CCDC27: variants seen among roughly 807,000 people sequenced by gnomAD.
CCDC27 encodes the protein coiled-coil domain containing 27, also known as coiled-coil domain-containing protein 27.
Under a neutral mutation model 80.3 loss-of-function variants are expected in CCDC27, and 80 were observed. The observed-to-expected ratio is 1.00, with a 90% confidence interval of 0.83 to 1.20. The LOEUF (loss-of-function observed/expected upper bound fraction) is 1.20, where lower values mean the gene tolerates loss of function less well. Among genes scored for constraint, CCDC27 ranks in the 50% most tolerant of loss-of-function variants. The pLI, the probability that CCDC27 is intolerant of heterozygous loss-of-function variation, is 0.00. For missense variants in CCDC27, 815 were observed against 809.4 expected (o/e 1.01, Z -0.08); for synonymous variants, 342 against 334.3 (o/e 1.02, Z -0.25).
chr1:3,763,559 T>C lies in CCDC27; in HGVS notation c.1321+85T>C. ...TGGGACGCCCAGACGCTGCCTGCTC[T>C]GGTCAGTGAGCTGGAGCAGGGGCAG... On this transcript the variant is annotated intron_variant, in intron 7 of 11. Transcript: ENST00000294600. The surrounding 1 kb of genome is among the most constrained non-coding windows in gnomAD (Gnocchi z 7.5). 1.3e-6 allele frequency: 2 copies of C among 1,547,856 alleles called. No individual in the cohort carries two copies. The highest frequency in any genetic ancestry group is 2.3e-5 in the East Asian group (1 of 44,276).
Position 3,754,188 on chromosome 1 carries a change from C to G in CCDC27, c.389C>G (p.Thr130Arg). The G allele has an allele frequency of 6.2e-7, 1 of 1,613,714 alleles. No individual in the cohort carries two copies. Among genetic ancestry groups the G allele is most frequent in the Non-Finnish European group, 8.5e-7 (1 of 1,179,878 alleles). The change falls in exon 2 of 12, where the codon ACG (threonine) becomes AGG (arginine). Residue 130 changes from threonine (T) to arginine (R), a missense_variant. Coordinates refer to ENST00000294600, the MANE Select transcript of CCDC27 (RefSeq NM_152492.3). The stretch of plus-strand genomic sequence containing the variant: ...ATGGAACTTCGAAGGGTCTTCCCCA[C>G]GCATCCTGACTGCCCCCAGTTCAGC... ...SKMELRRVFP[T>R]HPDCPQFSTR...
chr1:3,755,548 C>T lies in CCDC27; in HGVS notation c.534C>T (p.Gly178=). The T allele has an allele frequency of 1.2e-6, 2 of 1,613,954 alleles. No homozygotes were observed. Among genetic ancestry groups the T allele is most frequent in the Non-Finnish European group, 1.7e-6 (2 of 1,179,970 alleles). The change falls in exon 3 of 12, where the codon GGC becomes GGT. Residue 178 remains glycine, a synonymous_variant. Coordinates refer to ENST00000294600, the MANE Select transcript of CCDC27 (RefSeq NM_152492.3). ...GTQDLFLARR[G]SDTNVDGYLL... is the part of the protein sequence containing the mutation. ...AGGACCTGTTCTTGGCCAGGCGGGG[C>T]TCAGACACGAACGTGGACGGTGAGG...
chr1:3,764,675 C>T (rs1199183229), intron 8 of CCDC27, among the ~76,000 whole-genome samples: 1 of 152,220 alleles, frequency 6.6e-6, no homozygotes, highest in Admixed American at 6.5e-5. Flanking sequence ...CTGCATCCCA[C>T]ACCTTTTGCT....
rs981587409 is a variant in CCDC27 at position 3,769,272 on chromosome 1, G to T, written c.1744-511G>T. The stretch of plus-strand genomic sequence containing the variant: ...ACGAGAACGCCTTCTGGGTCTGTGC[G>T]CGGGGGCCAGGTTCAACGCTGCTGT... On this transcript the variant is annotated intron_variant, in intron 10 of 11. Coordinates refer to ENST00000294600, the MANE Select transcript of CCDC27 (RefSeq NM_152492.3). This position sits in a 1 kb window ranked among gnomAD's most constrained non-coding sequence, Gnocchi z 4.6. 6.6e-6 allele frequency among the ~76,000 whole-genome samples: 1 copy of T among 152,086 alleles called. No individual in the cohort carries two copies. Among genetic ancestry groups the T allele is most frequent in the Non-Finnish European group, 1.5e-5 (1 of 68,012 alleles).
intron 1 of CCDC27, 24 bp downstream of exon 1, chr1:3,752,823 T>C (rs754468874): frequency 2.2e-5 from 36 of 1,602,156 alleles, no homozygotes; most frequent in Non-Finnish European, 2.8e-5. Context: ...GGAGGAGGGC[T>C]GCCACGAGCC....
intron 4 of CCDC27, 121 bp downstream of exon 4, chr1:3,757,011 TC>T: frequency 8.2e-7 from 1 of 1,212,944 alleles, no homozygotes; most frequent in Non-Finnish European, 1.1e-6. Flanking sequence ...ATCAAGCAGG[TC>T]CCCATGGCCT....
intron 4 of CCDC27, among the ~76,000 whole-genome samples, chr1:3,758,856 C>T (rs1643023559): frequency 6.6e-6 from 1 of 152,204 alleles, no homozygotes; most frequent in African/African-American, 2.4e-5. Flanking sequence ...CTCAGCCTCC[C>T]AAAGTGCTGG....
chr1:3,753,995 G>A lies in CCDC27; in HGVS notation c.319-123G>A, dbSNP rs1172155209. 7 of 1,412,924 alleles carry A rather than the reference G, an allele frequency of 5.0e-6. No homozygotes were observed. The South Asian group carries it at 5.3e-5, about 11-fold the overall frequency. 87.5% of individuals were successfully genotyped at this position (1,412,924 alleles called of 1,614,324 possible). On this transcript the variant is annotated intron_variant, in intron 1 of 11. Coordinates refer to ENST00000294600, the MANE Select transcript of CCDC27 (RefSeq NM_152492.3). The stretch of plus-strand genomic sequence containing the variant: ...GGGTGTGGGGTCTGCATCTACATAC[G>A]ACTCATAGGCACCTGCCATTGGGGC...
Position 3,755,441 on chromosome 1 carries a change from C to G in CCDC27, c.443-16C>G, listed in dbSNP as rs201161509. On this transcript the variant is annotated splice_polypyrimidine_tract_variant and intron_variant, in intron 2 of 11. Transcript: ENST00000294600. ...GACCGCAGCAGTCACCAGATGGCAT[C>G]TTTAACACTCTACAGGTTCACCCAC... 4.9e-4 allele frequency: 781 copies of G among 1,610,042 alleles called. No individual in the cohort carries two copies. The highest frequency in any genetic ancestry group is 6.0e-4 in the Non-Finnish European group (703 of 1,176,472).
rs142578610 is a variant in CCDC27 at position 3,767,264 on chromosome 1, A to T, written c.1562A>T (p.Lys521Met). ...TCGGAACTGGAGAGAAAGCTCACCA[A>T]GCGGGACTGTGTCATCTCAGAGTTG... The part of the protein sequence containing the change: ...QVSELERKLT[K>M]RDCVISELDT... The change falls in exon 10 of 12, where the codon AAG becomes ATG. Residue 521 changes from lysine to methionine, a missense_variant. Transcript: ENST00000294600. 3.1e-6 allele frequency: 5 copies of T among 1,614,028 alleles called. No individual in the cohort carries two copies. Among genetic ancestry groups the T allele is most frequent in the African/African-American group, 1.3e-5 (1 of 75,046 alleles).
rs201051331 is a variant in CCDC27, at chr1:3,763,856, C to T, written c.1452+20C>T. The stretch of plus-strand genomic sequence containing the variant: ...GACAAGGTGGCCGTGCGCTCAGTAC[C>T]GGCCTCCGCTCCATGAGCATGGGCC... On this transcript the variant is annotated intron_variant, in intron 8 of 11. Transcript: ENST00000294600. This position sits in a 1 kb window ranked among gnomAD's most constrained non-coding sequence, Gnocchi z 7.5. 633 of 1,611,882 alleles carry T rather than the reference C, an allele frequency of 3.9e-4. 1 individual carries two copies. The highest frequency in any genetic ancestry group is 5.1e-4 in the Middle Eastern group (3 of 5,870).
Position 3,761,992 on chromosome 1 carries a change from G to C in CCDC27, c.861+562G>C, listed in dbSNP as rs1314507104. On this transcript the variant is annotated intron_variant, in intron 5 of 11. Coordinates refer to ENST00000294600, the MANE Select transcript of CCDC27 (RefSeq NM_152492.3). The surrounding 1 kb of genome is among the most constrained non-coding windows in gnomAD (Gnocchi z 5.0). Reference sequence around the variant, plus strand: ...ATGGGGTTGGGGTGGGGGTGGGGTAGAGGTGGGGATGCAGGTGGGGATGCT... The same window carrying C: ...ATGGGGTTGGGGTGGGGGTGGGGTACAGGTGGGGATGCAGGTGGGGATGCT... Among the ~76,000 whole-genome samples, 2 of 151,994 alleles carry C rather than the reference G, an allele frequency of 1.3e-5. No individual in the cohort carries two copies. The highest frequency in any genetic ancestry group is 4.8e-5 in the African/African-American group (2 of 41,402).
At chr1:3,762,882 G>T in intron 6 of CCDC27, 170 bp downstream of exon 6, 1 of 790,194 alleles carries the variant, frequency 1.3e-6, no homozygotes. Context: ...CCCCTTGAAG[G>T]CACAGGTCAG....
intron 10 of CCDC27, 79 bp downstream of exon 10, chr1:3,767,524 G>T (rs2275838): frequency 7.6e-7 from 1 of 1,317,100 alleles, no homozygotes; most frequent in Admixed American, 2.2e-5. Flanking sequence ...ACCGCCCACC[G>T]AGGTAGAACC....
chr1:3,762,716 C>A lies in CCDC27; in HGVS notation c.954+4C>A. The A allele has an allele frequency of 6.5e-7, 1 of 1,548,030 alleles. No homozygotes were observed. Among genetic ancestry groups the A allele is most frequent in the Non-Finnish European group, 8.7e-7 (1 of 1,146,090 alleles). ...GGAGCTGCAGCACTGGTGGCAGGTGCGGGCCGCCTGGAGAGCAGGCACGCA... is the reference window on the plus strand; with the variant it reads ...GGAGCTGCAGCACTGGTGGCAGGTGAGGGCCGCCTGGAGAGCAGGCACGCA... On this transcript the variant is annotated splice_donor_region_variant and intron_variant, in intron 6 of 11. Coordinates refer to ENST00000294600, the MANE Select transcript of CCDC27 (RefSeq NM_152492.3).
intron 10 of CCDC27, 91 bp downstream of exon 10, chr1:3,767,536 G>T: frequency 8.4e-7 from 1 of 1,192,312 alleles, no homozygotes. Context: ...GGTAGAACCG[G>T]GGTCTGTGTA....
rs374880789 is a variant in CCDC27, at chr1:3,766,629, C to T, written c.1530+17C>T. The T allele has an allele frequency of 1.2e-5, 19 of 1,600,824 alleles. No individual in the cohort carries two copies. The highest frequency in any genetic ancestry group is 1.6e-5 in the Non-Finnish European group (19 of 1,168,748). On this transcript the variant is annotated intron_variant, in intron 9 of 11. Coordinates refer to ENST00000294600, the MANE Select transcript of CCDC27 (RefSeq NM_152492.3). This position sits in a 1 kb window ranked among gnomAD's most constrained non-coding sequence, Gnocchi z 6.1. ...CTCCGACAGGTGACAGCCTGGGTGT[C>T]GTTAAATGATCAGCCAGGCCACTGT...
Position 3,763,020 on chromosome 1 carries a change from C to T in CCDC27, c.955-88C>T, listed in dbSNP as rs551457806. On this transcript the variant is annotated intron_variant, in intron 6 of 11. Transcript: ENST00000294600. This position sits in a 1 kb window ranked among gnomAD's most constrained non-coding sequence, Gnocchi z 7.5. ...GCAGCAGCCTGGAAGGAGGCGCCCTCCCCGGTGCCCCCGCCATGAGCATTA... is the reference window on the plus strand; with the variant it reads ...GCAGCAGCCTGGAAGGAGGCGCCCTTCCCGGTGCCCCCGCCATGAGCATTA... 8 of 1,405,574 alleles carry T rather than the reference C, an allele frequency of 5.7e-6. No individual in the cohort carries two copies. In the African/African-American group the frequency reaches 1.2e-4, roughly 20 times the overall value. The allele number at this position is 1,405,574 out of a possible 1,614,324, so 87.1% of individuals were successfully genotyped here.
chr1:3,767,212 T>C (rs753756990), intron 9 of CCDC27, 21 bp from the exon 10 acceptor site: 1 of 1,611,282 alleles, frequency 6.2e-7, no homozygotes, highest in Admixed American at 1.7e-5. Context: ...CCACCTCTTT[T>C]TTCTCCCCGG....
Sources: allele counts gnomAD v4.1 joint callset (sites outside exome capture counted in the v4.1 genomes callset), GRCh38; gene constraint gnomAD v4.1.1; non-coding constraint Gnocchi (gnomAD v3.1); transcripts MANE v1.5; gene names NCBI Gene and HGNC (gene_info 2026-07-23, HGNC 2026-07-21).